Variants in ZNF177 observed in about 807,000 individuals in gnomAD.
The protein encoded by ZNF177 is zinc finger protein 177.
Under a neutral mutation model 19.4 loss-of-function variants are expected in ZNF177, and 17 were observed. That is an observed-to-expected ratio of 0.87 (90% CI 0.60 to 1.31). The LOEUF is 1.31. ZNF177 is among the 40% of genes most tolerant of loss of function. ZNF177 has a pLI of 0.00. For missense variants in ZNF177, 633 were observed against 561.8 expected (o/e 1.13, Z -1.28); for synonymous variants, 220 against 188.7 (o/e 1.17, Z -1.36).
At chr19:9,379,084 A>T (rs2068152208) in exon 3 of ZNF177, 1 of 1,607,180 alleles carries the variant, frequency 6.2e-7, no homozygotes, top group Admixed American at 1.7e-5. Context: ...ACCTGGCCTC[A>T]GTAGGTAAGG....
exon 6 of ZNF177, chr19:9,381,904 C>G: frequency 2.9e-6 from 4 of 1,376,258 alleles, no homozygotes; most frequent in Non-Finnish European, 2.9e-6. Flanking sequence ...GCCTGTTATA[C>G]TGGGACAAAC....
chr19:9,365,250 G>GTA (rs2067961420), intron 2 of ZNF177, among the ~76,000 whole-genome samples: 1 of 152,034 alleles, frequency 6.6e-6, no homozygotes, highest in Non-Finnish European at 1.5e-5. Flanking sequence ...AGGTCTTTAA[G>GTA]AACACAGGCT....
intron 2 of ZNF177, 118 bp from the exon 5 acceptor site, chr19:9,378,844 T>C: frequency 1.4e-6 from 2 of 1,415,314 alleles, no homozygotes; most frequent in Non-Finnish European, 1.9e-6. Context: ...CTGATGCATG[T>C]CTGAGCTTCC....
chr19:9,380,744 G>C lies in ZNF177; in HGVS notation c.413G>C (p.Cys138Ser), dbSNP rs1334409045. ...TTCAGAAAGAACACTCGCTTTATTT[G>C]TACAAGATATTGCAAGGGAGAGAAA... Residue 138 changes from cysteine (C) to serine (S), a missense_variant, in exon 6 of 6, where the codon TGT becomes TCT. By Grantham distance (112) the Cys-to-Ser change is moderately radical (BLOSUM62 -1). Transcript: ENST00000589262. The C allele has an allele frequency of 2.6e-6, 4 of 1,535,934 alleles. No individual in the cohort carries two copies. The African/African-American group carries it at 5.5e-5, about 21-fold the overall frequency.
chr19:9,380,278 G>GAGTTTGA (rs1471569677), intron 5 of ZNF177, 139 bp downstream of exon 7: 76 of 1,126,492 alleles, frequency 6.7e-5, no homozygotes, highest in Non-Finnish European at 8.8e-5. Context: ...GGAGAGTTTG[G>GAGTTTGA]AGTTTGATTT....
At chr19:9,372,300 CA>C (rs1405440262), upstream of ZNF177, among the ~76,000 whole-genome samples, 3 of 152,278 alleles carry the variant, frequency 2.0e-5, no homozygotes, top group East Asian at 1.9e-4. Flanking sequence ...TACAGATCCT[CA>C]AGAGAGATTT....
chr19:9,368,363 A>G (rs1489164166), intron 2 of ZNF177, among the ~76,000 whole-genome samples: 1 of 151,960 alleles, frequency 6.6e-6, no homozygotes, highest in African/African-American at 2.4e-5. Flanking sequence ...GGTAAGTTGT[A>G]TTTCTGTAGG....
intron 3 of ZNF177, 160 bp downstream of exon 5, chr19:9,379,248 G>GAAAT: frequency 7.9e-7 from 1 of 1,262,950 alleles, no homozygotes; most frequent in Non-Finnish European, 1.1e-6. Context: ...CCATGAAAAT[G>GAAAT]CACTGATTTC....
intron 2 of ZNF177, chr19:9,378,638 C>T (rs960062647): frequency 8.7e-6 from 5 of 573,314 alleles, no homozygotes; most frequent in Non-Finnish European, 1.5e-5. Context: ...GTATTTCTTG[C>T]ATTCCTACAG....
chr19:9,377,919 A>C (rs1196656784), intron 1 of ZNF177, among the ~76,000 whole-genome samples: 2 of 152,186 alleles, frequency 1.3e-5, no homozygotes, highest in Non-Finnish European at 2.9e-5. Context: ...AAGATTTCTT[A>C]GTCTATACTA....
At chr19:9,364,713 T>G (rs1447036716) in intron 1 of ZNF177, 149 bp from the exon 2 acceptor site, 1 of 152,156 alleles carries the variant, frequency 6.6e-6, no homozygotes, top group Non-Finnish European at 1.5e-5. Context: ...TGTCTTGTAC[T>G]TAGAATCCTA....
chr19:9,377,574 C>T (rs1200175465), intron 1 of ZNF177, among the ~76,000 whole-genome samples: 4 of 152,118 alleles, frequency 2.6e-5, no homozygotes, highest in African/African-American at 4.8e-5. Flanking sequence ...TATGTGTCTT[C>T]GTTTACAACA....
At chr19:9,363,245 C>A (rs1377980277) in intron 1 of ZNF177, 161 bp downstream of exon 1, 1 of 152,334 alleles carries the variant, frequency 6.6e-6, no homozygotes, top group African/African-American at 2.4e-5. Flanking sequence ...CCTCCCGGCA[C>A]TGCTGGGCTT....
At chr19:9,363,223 C>A (rs1236755202) in intron 1 of ZNF177, 139 bp downstream of exon 1, 1 of 152,398 alleles carries the variant, frequency 6.6e-6, no homozygotes, top group Admixed American at 6.5e-5. Context: ...TCAGAGGCCG[C>A]CGGCTTTGGT....
chr19:9,380,978 A>C (rs771296342), exon 6 of ZNF177: 1 of 1,548,974 alleles, frequency 6.5e-7, no homozygotes, highest in Non-Finnish European at 8.7e-7. Context: ...TTCAGCCTAC[A>C]CTCTTCCTGC....
intron 2 of ZNF177, among the ~76,000 whole-genome samples, chr19:9,369,113 C>G (rs932843434): frequency 2.6e-5 from 4 of 152,036 alleles, no homozygotes; most frequent in African/African-American, 2.4e-5. Flanking sequence ...TTCATGTGTG[C>G]TTCAAGAATC....
chr19:9,364,623 G>A (rs1403963171), intron 1 of ZNF177, among the ~76,000 whole-genome samples: 3 of 152,140 alleles, frequency 2.0e-5, no homozygotes, highest in African/African-American at 7.2e-5. Context: ...TGTAGGTAGA[G>A]GATCCACAGA....
intron 2 of ZNF177, 159 bp downstream of exon 4, chr19:9,378,503 G>C: frequency 8.5e-7 from 1 of 1,171,628 alleles, no homozygotes; most frequent in Non-Finnish European, 1.2e-6. Flanking sequence ...CCTGGGAAAG[G>C]CTTCTGTTCC....
chr19:9,381,640 T>C, exon 6 of ZNF177: 1 of 1,614,208 alleles, frequency 6.2e-7, no homozygotes, highest in Non-Finnish European at 8.5e-7. Context: ...TAGGAATTCC[T>C]CTTGCCTGAG....
Sources: allele counts gnomAD v4.1 joint callset (sites outside exome capture counted in the v4.1 genomes callset), GRCh38; gene constraint gnomAD v4.1.1; transcripts MANE v1.5; gene names NCBI Gene and HGNC (gene_info 2026-07-23, HGNC 2026-07-21).